Variants in PLD1 observed in about 807,000 individuals in gnomAD.
PLD1 encodes the protein choline phosphatase 1.
In PLD1, 112 loss-of-function variants were observed where a neutral mutation model predicts 137.1. The observed-to-expected ratio is 0.82, with a 90% CI of 0.70 to 0.96. The LOEUF is 0.96. Among genes scored for constraint, PLD1 ranks in the 40% least tolerant of loss-of-function variants. PLD1 has a pLI of 0.00. For synonymous variants in PLD1, 431 were observed against 454.7 expected (o/e 0.95, Z 0.66); for missense variants, 1,321 against 1,342.0 (o/e 0.98, Z 0.24).
chr3:171,708,630 C>T (rs961785204), intron 11 of PLD1, 125 bp downstream of exon 11: 28 of 579,200 alleles, frequency 4.8e-5, no homozygotes, highest in Non-Finnish European at 8.4e-5. Flanking sequence ...TGGTTGAGAC[C>T]CTGGCCAAAC....
chr3:171,618,601 T>A (rs9871438), intron 24 of PLD1, among the ~76,000 whole-genome samples: 26,562 of 152,182 alleles, frequency 0.17, 2,418 homozygotes, highest in South Asian at 0.23. Flanking sequence ...ATAAATGAAA[T>A]CTTGAGTATT....
chr3:171,682,972 G>GA (rs1434912381), intron 16 of PLD1, among the ~76,000 whole-genome samples: 3 of 152,116 alleles, frequency 2.0e-5, no homozygotes, highest in Non-Finnish European at 2.9e-5. Context: ...AACAATGTGG[G>GA]AAAAAAATAA....
chr3:171,711,019 C>G (rs6774359), intron 9 of PLD1, among the ~76,000 whole-genome samples: 1 of 148,526 alleles, frequency 6.7e-6, no homozygotes, highest in Non-Finnish European at 1.5e-5. Context: ...GATTACAGGC[C>G]TGCACCTCCA....
chr3:171,720,007 C>A (rs1019474073), intron 8 of PLD1, among the ~76,000 whole-genome samples: 1 of 152,078 alleles, frequency 6.6e-6, no homozygotes, highest in African/African-American at 2.4e-5. Flanking sequence ...ATAAAATAGT[C>A]GTCTTGGCCA....
intron 23 of PLD1, among the ~76,000 whole-genome samples, chr3:171,636,100 T>A (rs1395992944): frequency 6.7e-6 from 1 of 150,022 alleles, no homozygotes; most frequent in Admixed American, 6.7e-5. Flanking sequence ...TTGACCATAA[T>A]CATAAGAATT....
chr3:171,784,224 T>C (rs1722903641), intron 1 of PLD1, among the ~76,000 whole-genome samples: 1 of 152,222 alleles, frequency 6.6e-6, no homozygotes, highest in Non-Finnish European at 1.5e-5. Context: ...TGTCTTATAG[T>C]TCTCACTCCT....
Position 171,602,187 on chromosome 3 carries a change from G to C in PLD1, c.*891C>G, listed in dbSNP as rs1477316179. 2.7e-5 allele frequency: 4 copies of C among 148,772 alleles called. No homozygotes were observed. The highest frequency in any genetic ancestry group is 1.3e-4 in the Admixed American group (2 of 15,058). The allele number at this position is 148,772 out of a possible 1,614,324, so 9.2% of individuals were successfully genotyped here. ...CTAAGGATGACAGGAAATTTTACAG[G>C]ACTAGAAGGAATCATCTTCTCTTAT... On this transcript the variant is annotated 3_prime_UTR_variant, in exon 27 of 27. Coordinates refer to ENST00000351298, the MANE Select transcript of PLD1 (RefSeq NM_002662.5).
At chr3:171,708,172 G>A (rs1179351589) in intron 11 of PLD1, among the ~76,000 whole-genome samples, 1 of 152,206 alleles carries the variant, frequency 6.6e-6, no homozygotes, top group South Asian at 2.1e-4. Flanking sequence ...ACCAACTACA[G>A]GAGTAAATTT....
chr3:171,636,207 C>T (rs371007979), intron 23 of PLD1, among the ~76,000 whole-genome samples: 2 of 151,768 alleles, frequency 1.3e-5, no homozygotes, highest in African/African-American at 4.8e-5. Context: ...TTTGAAATCA[C>T]GTATGTGACA....
intron 23 of PLD1, among the ~76,000 whole-genome samples, chr3:171,637,356 C>T (rs1360293131): frequency 6.6e-6 from 1 of 152,146 alleles, no homozygotes; most frequent in African/African-American, 2.4e-5. Context: ...GTGCCTCAGC[C>T]TCCCGAGTAG....
intron 1 of PLD1, among the ~76,000 whole-genome samples, chr3:171,759,995 A>G (rs1721285041): frequency 6.6e-6 from 1 of 152,234 alleles, no homozygotes; most frequent in Admixed American, 6.5e-5. Context: ...TTGTTGCTAC[A>G]AAAGGGTCAA....
chr3:171,774,279 C>T (rs1722515605), intron 1 of PLD1, among the ~76,000 whole-genome samples: 2 of 152,156 alleles, frequency 1.3e-5, no homozygotes, highest in Admixed American at 6.5e-5. Context: ...GAACAGTCCT[C>T]ATAAAGGCTT....
chr3:171,687,703 T>C lies in PLD1; in HGVS notation c.1540-119A>G, dbSNP rs979636058. On this transcript the variant is annotated intron_variant, in intron 14 of 26. Coordinates refer to ENST00000351298, the MANE Select transcript of PLD1 (RefSeq NM_002662.5). ...AATGATGGAGGTTCTATAACAGACATGCAATAATGTCTGAGGTCAGCCACA... is the reference window on the plus strand; with the variant it reads ...AATGATGGAGGTTCTATAACAGACACGCAATAATGTCTGAGGTCAGCCACA... The C allele has an allele frequency of 4.5e-6, 3 of 667,348 alleles. No homozygotes were observed. The African/African-American group carries it at 5.4e-5, about 12-fold the overall frequency. The allele number at this position is 667,348 out of a possible 1,614,324, so 41.3% of individuals were successfully genotyped here.
intron 16 of PLD1, among the ~76,000 whole-genome samples, chr3:171,685,245 T>C (rs189000994): frequency 3.3e-5 from 5 of 152,266 alleles, no homozygotes; most frequent in African/African-American, 9.6e-5. Context: ...CTGCCCTAGA[T>C]GAAAGAATGC....
chr3:171,685,736 G>C (rs1432683084), intron 16 of PLD1, among the ~76,000 whole-genome samples: 1 of 152,022 alleles, frequency 6.6e-6, no homozygotes, highest in African/African-American at 2.4e-5. Flanking sequence ...TTAATTCCTC[G>C]AGTATCTGGA....
chr3:171,773,829 A>G (rs1393184313), intron 1 of PLD1, among the ~76,000 whole-genome samples: 1 of 150,946 alleles, frequency 6.6e-6, no homozygotes, highest in Non-Finnish European at 1.5e-5. Context: ...GCTCACTGCA[A>G]CCTCCGCCTC....
chr3:171,768,495 C>A (rs1722129133), intron 1 of PLD1, among the ~76,000 whole-genome samples: 1 of 152,226 alleles, frequency 6.6e-6, no homozygotes, highest in Non-Finnish European at 1.5e-5. Context: ...TGTGATCACA[C>A]AGGAACAAGG....
intron 10 of PLD1, among the ~76,000 whole-genome samples, chr3:171,709,302 GA>G (rs769360023): frequency 1.3e-5 from 2 of 152,180 alleles, no homozygotes; most frequent in Non-Finnish European, 2.9e-5. Flanking sequence ...CATCATTAAA[GA>G]AATGTATGAA....
chr3:171,662,173 A>G lies in PLD1; in HGVS notation c.2230-3T>C, dbSNP rs1711566471. ...CAATCAGCAGCAGAGCGGAGCAACTACAAGGCAGCAATCAGAAATGAACAA... is the reference window on the plus strand; with the variant it reads ...CAATCAGCAGCAGAGCGGAGCAACTGCAAGGCAGCAATCAGAAATGAACAA... On this transcript the variant is annotated splice_region_variant and splice_polypyrimidine_tract_variant and intron_variant, in intron 19 of 26. Transcript: ENST00000351298. The G allele has an allele frequency of 3.2e-6, 5 of 1,565,382 alleles. No homozygotes were observed. In the South Asian group the frequency reaches 5.6e-5, roughly 17 times the overall value.
Sources: allele counts gnomAD v4.1 joint callset (sites outside exome capture counted in the v4.1 genomes callset), GRCh38; gene constraint gnomAD v4.1.1; transcripts MANE v1.5; gene names NCBI Gene and HGNC (gene_info 2026-07-23, HGNC 2026-07-21).